KATNA1: variants seen among roughly 807,000 people sequenced by gnomAD.
The protein encoded by KATNA1 is katanin p60 ATPase-containing subunit A1.
Under a neutral mutation model 62.6 loss-of-function variants are expected in KATNA1, and 42 were observed. The ratio of observed to expected loss-of-function variants is 0.67; its 90% CI spans 0.52 to 0.87. The LOEUF (loss-of-function observed/expected upper bound fraction) is 0.87. Ranked by LOEUF, KATNA1 falls within the 40% of genes least tolerant of loss-of-function variation. KATNA1 has a pLI of 0.00. For synonymous variants in KATNA1, 186 were observed against 201.9 expected (o/e 0.92, Z 0.67); for missense variants, 498 against 612.5 (o/e 0.81, Z 1.97).
chr6:149,615,969 C>G (rs1324966653), intron 4 of KATNA1, among the ~76,000 whole-genome samples: 1 of 152,038 alleles, frequency 6.6e-6, no homozygotes, highest in Non-Finnish European at 1.5e-5. Flanking sequence ...TATAAATAAG[C>G]CTGTCACAAA....
chr6:149,613,675 T>C (rs958157718), intron 4 of KATNA1, among the ~76,000 whole-genome samples: 2 of 152,166 alleles, frequency 1.3e-5, no homozygotes, highest in Non-Finnish European at 2.9e-5. Flanking sequence ...CTGGAGTCTA[T>C]TGGGAGGACT....
intron 4 of KATNA1, among the ~76,000 whole-genome samples, chr6:149,612,969 G>A (rs1018375945): frequency 1.3e-5 from 2 of 151,664 alleles, no homozygotes; most frequent in East Asian, 1.9e-4. Flanking sequence ...CTGATAAAGA[G>A]TATCCACAAA....
chr6:149,598,480 T>G, intron 7 of KATNA1, 130 bp from the exon 8 acceptor site: 1 of 820,570 alleles, frequency 1.2e-6, no homozygotes, highest in Non-Finnish European at 1.9e-6. Context: ...ATCCCAACAC[T>G]GGGAGGGTGA....
chr6:149,624,952 G>A (rs758415916), intron 3 of KATNA1, among the ~76,000 whole-genome samples: 1 of 151,308 alleles, frequency 6.6e-6, no homozygotes, highest in Non-Finnish European at 1.5e-5. Flanking sequence ...GGAAATGCAG[G>A]AGTTGAACTA....
intron 10 of KATNA1, 35 bp from the exon 11 acceptor site, chr6:149,595,269 C>G: frequency 1.3e-6 from 2 of 1,557,084 alleles, no homozygotes; most frequent in South Asian, 2.3e-5. Flanking sequence ...ACAACACACA[C>G]AATGTTACTT....
chr6:149,608,116 T>C (rs1172820707), intron 4 of KATNA1, among the ~76,000 whole-genome samples: 1 of 152,114 alleles, frequency 6.6e-6, no homozygotes, highest in African/African-American at 2.4e-5. Flanking sequence ...AAATTATAAA[T>C]ACAAAACCCA....
In KATNA1 at chr6:149,623,224, C is replaced by G. The variant is rs201942843; in HGVS notation, c.380G>C (p.Gly127Ala). The G allele has an allele frequency of 3.1e-6, 5 of 1,613,656 alleles. No homozygotes were observed. Among genetic ancestry groups the G allele is most frequent in the Non-Finnish European group, 3.4e-6 (4 of 1,179,916 alleles). ...TCTGACAGTTGTACTTGGACGATTA[C>G]CATGTGATTTAGGGTCACTGTACTG... ...SSQYSDPKSHGNRPSTTVRVH... is the reference protein window; with the variant it reads ...SSQYSDPKSHANRPSTTVRVH... The change falls in exon 4 of 11, where the codon GGT becomes GCT. Residue 127 changes from glycine (G) to alanine (A), a missense_variant. By Grantham distance (60) the Gly-to-Ala change is moderately conservative (BLOSUM62 0). Transcript: ENST00000367411.
At chr6:149,612,351 AC>A (rs199949361) in intron 4 of KATNA1, among the ~76,000 whole-genome samples, 137 of 152,186 alleles carry the variant, frequency 9.0e-4, no homozygotes, top group African/African-American at 3.2e-3. Context: ...CTACTAAAAT[AC>A]AAAAAAATTA....
At chr6:149,607,344 A>C (rs1778778244) in intron 4 of KATNA1, among the ~76,000 whole-genome samples, 1 of 152,204 alleles carries the variant, frequency 6.6e-6, no homozygotes, top group African/African-American at 2.4e-5. Flanking sequence ...GGCCAGGTGC[A>C]GTGGCTCATG....
chr6:149,604,982 G>C (rs1448543899), intron 4 of KATNA1, among the ~76,000 whole-genome samples, 200 bp from the exon 5 acceptor site: 1 of 152,072 alleles, frequency 6.6e-6, no homozygotes, highest in African/African-American at 2.4e-5. Context: ...AGACCATCCT[G>C]GCTAACAGGG....
intron 4 of KATNA1, among the ~76,000 whole-genome samples, chr6:149,610,928 T>C (rs1288756875): frequency 6.6e-6 from 1 of 152,040 alleles, no homozygotes; most frequent in Non-Finnish European, 1.5e-5. Context: ...CTTCTAAAAA[T>C]ACAAAAACTA....
At chr6:149,636,534 T>C (rs1582806264) in intron 2 of KATNA1, among the ~76,000 whole-genome samples, 2 of 152,188 alleles carry the variant, frequency 1.3e-5, no homozygotes, top group Non-Finnish European at 2.9e-5. Flanking sequence ...AGATAGGCTG[T>C]TTCTCTCAAA....
At chr6:149,613,222 A>T (rs573113080) in intron 4 of KATNA1, among the ~76,000 whole-genome samples, 1 of 126,208 alleles carries the variant, frequency 7.9e-6, no homozygotes, top group Non-Finnish European at 1.8e-5. Flanking sequence ...AAAAAAGAAC[A>T]TCTACAAAAA....
At chr6:149,614,873 C>T (rs1050046762) in intron 4 of KATNA1, among the ~76,000 whole-genome samples, 3 of 152,122 alleles carry the variant, frequency 2.0e-5, no homozygotes, top group South Asian at 2.1e-4. Context: ...CAGTGGCTCA[C>T]GCCTGTAATC....
In KATNA1 at chr6:149,604,706, T is replaced by G. The variant is rs754312408; in HGVS notation, c.578A>C (p.Glu193Ala). 2.5e-6 allele frequency: 4 copies of G among 1,612,966 alleles called. No homozygotes were observed. Among genetic ancestry groups the G allele is most frequent in the Non-Finnish European group, 3.4e-6 (4 of 1,179,028 alleles). ...DSTGYDKDLV[E>A]ALERDIISQN... ...GGAAATTATATCTCTTTCCAAAGCT[T>G]CTACTAAGTCTTTATCATATCCGGT... Residue 193 changes from glutamate (E) to alanine (A), a missense_variant, in exon 5 of 11, where the codon GAA (glutamate) becomes GCA (alanine). This residue lies in a region of KATNA1 where 203 missense variants were observed against 198.4 expected (regional missense o/e 1.02). Transcript: ENST00000367411.
intron 3 of KATNA1, 102 bp downstream of exon 3, chr6:149,632,657 T>C: frequency 1.1e-6 from 1 of 934,284 alleles, no homozygotes. Context: ...TAAAGAAAAC[T>C]CCCTCCCATT....
chr6:149,632,176 G>A (rs1779867395), intron 3 of KATNA1, among the ~76,000 whole-genome samples: 1 of 151,890 alleles, frequency 6.6e-6, no homozygotes, highest in Non-Finnish European at 1.5e-5. Context: ...GGTGGATCAC[G>A]AGGTGAGGAG....
intron 3 of KATNA1, among the ~76,000 whole-genome samples, chr6:149,630,868 G>C (rs1205361098): frequency 6.6e-6 from 1 of 152,164 alleles, no homozygotes; most frequent in African/African-American, 2.4e-5. Context: ...ACAGCAGAGA[G>C]TGCCAGCTTT....
chr6:149,625,933 C>CA (rs200316485), intron 3 of KATNA1, among the ~76,000 whole-genome samples: 62 of 137,524 alleles, frequency 4.5e-4, no homozygotes, highest in Middle Eastern at 3.9e-3. Context: ...GACTCCATCT[C>CA]AAAAAAAAAA....
Sources: gnomAD v4.1 joint callset for allele counts (sites outside exome capture counted in the v4.1 genomes callset) on GRCh38, gnomAD v4.1.1 for gene constraint, gnomAD v4.1.1 regional missense constraint, MANE v1.5 for transcripts, NCBI Gene and HGNC (gene_info 2026-07-23, HGNC 2026-07-21) for gene names.